The following EPB41L4A variants were observed in gnomAD, a reference collection of about 807,000 sequenced individuals.
The protein encoded by EPB41L4A is band 4.1-like protein 4A.
In EPB41L4A, 100 loss-of-function variants were observed where a neutral mutation model predicts 108.6. That is an observed-to-expected ratio of 0.92 (90% confidence interval 0.78 to 1.09). The LOEUF (loss-of-function observed/expected upper bound fraction) is 1.09. Among genes scored for constraint, EPB41L4A ranks in the 50% least tolerant of loss-of-function variants. The pLI, the probability that EPB41L4A is intolerant of heterozygous loss-of-function variation, is 0.00. For missense variants in EPB41L4A, 1,030 were observed against 842.7 expected, an observed-to-expected ratio of 1.22 and a Z score of -2.75; for synonymous variants, 319 against 289.0, an observed-to-expected ratio of 1.10 and a Z score of -1.05.
intron 2 of EPB41L4A, among the ~76,000 whole-genome samples, chr5:112,293,689 C>G (rs1390177216): frequency 1.3e-5 from 2 of 152,130 alleles, no homozygotes; most frequent in Non-Finnish European, 2.9e-5. Flanking sequence ...CTGCTTTTCC[C>G]GATGCCGCAG....
chr5:112,418,130 T>A (rs188346435), intron 1 of EPB41L4A, among the ~76,000 whole-genome samples: 9 of 152,246 alleles, frequency 5.9e-5, no homozygotes, highest in African/African-American at 2.2e-4. Flanking sequence ...AAGAGAAAGA[T>A]AAACAAAACA....
chr5:112,414,595 G>A (rs968594677), intron 1 of EPB41L4A, among the ~76,000 whole-genome samples: 9 of 152,062 alleles, frequency 5.9e-5, no homozygotes, highest in Admixed American at 2.0e-4. Context: ...CACAGTAACT[G>A]GACTGCAAAA....
chr5:112,393,869 G>T (rs1761136151), intron 1 of EPB41L4A, among the ~76,000 whole-genome samples: 1 of 152,096 alleles, frequency 6.6e-6, no homozygotes, highest in South Asian at 2.1e-4. Flanking sequence ...GAATCCAGCA[G>T]CACATCAAAA....
chr5:112,301,362 C>T (rs752722009), intron 2 of EPB41L4A, among the ~76,000 whole-genome samples: 31 of 152,126 alleles, frequency 2.0e-4, no homozygotes, highest in Admixed American at 1.1e-3. Flanking sequence ...TAGCACTCTC[C>T]CCCTTTTCCT....
chr5:112,262,588 C>A lies in EPB41L4A; in HGVS notation c.555-7G>T. On this transcript the variant is annotated splice_polypyrimidine_tract_variant and splice_region_variant and intron_variant, in intron 6 of 22. Transcript: ENST00000261486. ...CTCAGAAGGAATCTGACCCCTACACCCAGCACAAAAACAAAGAGCCTTATT... is the reference window on the plus strand; with the variant it reads ...CTCAGAAGGAATCTGACCCCTACACACAGCACAAAAACAAAGAGCCTTATT... 1.2e-6 allele frequency: 2 copies of A among 1,612,548 alleles called. No individual in the cohort carries two copies. The highest frequency in any genetic ancestry group is 2.2e-5 in the East Asian group (1 of 44,856).
intron 4 of EPB41L4A, among the ~76,000 whole-genome samples, 186 bp from the exon 5 acceptor site, chr5:112,266,516 C>T (rs1048421901): frequency 2.0e-5 from 3 of 152,182 alleles, no homozygotes; most frequent in African/African-American, 4.8e-5. Context: ...AGGCAATACA[C>T]GGTTGTCGCT....
intron 2 of EPB41L4A, among the ~76,000 whole-genome samples, chr5:112,281,411 C>G (rs925261091): frequency 1.3e-5 from 2 of 152,180 alleles, no homozygotes; most frequent in Non-Finnish European, 2.9e-5. Context: ...AAGAGCAGGG[C>G]AGAAGCCAAG....
chr5:112,387,375 C>G lies in EPB41L4A; in HGVS notation c.99+31566G>C, dbSNP rs532627471. ...GGCACGGTGGCTCACGCCTGAAATCCCAGCACTTTGGGAGGCCGAGGCGGG... is the reference window on the plus strand; with the variant it reads ...GGCACGGTGGCTCACGCCTGAAATCGCAGCACTTTGGGAGGCCGAGGCGGG... On this transcript the variant is annotated intron_variant, in intron 1 of 22. Coordinates refer to ENST00000261486, the MANE Select transcript of EPB41L4A (RefSeq NM_022140.5). Among the ~76,000 whole-genome samples, 581 of 152,276 alleles carry G rather than the reference C, an allele frequency of 3.8e-3. 3 individuals carry two copies. Among genetic ancestry groups the G allele is most frequent in the African/African-American group, 0.013 (556 of 41,548 alleles).
intron 12 of EPB41L4A, chr5:112,146,108 TA>T (rs1759245734): frequency 2.6e-6 from 1 of 378,468 alleles, no homozygotes; most frequent in African/African-American, 2.1e-5. Context: ...GATAGGGTCT[TA>T]CAGAATCGAG....
intron 1 of EPB41L4A, chr5:112,392,797 GCAC>G (rs1561637492): frequency 6.6e-6 from 1 of 152,152 alleles, no homozygotes; most frequent in African/African-American, 2.4e-5. Flanking sequence ...TTTCTTCTCA[GCAC>G]CACATCACAC....
At position 112,314,536 on chromosome 5, in the gene EPB41L4A, A is replaced by AAAG. The variant is rs1158107525; in HGVS notation, c.100-7049_100-7047dup. ...AAAAAAAAAAAAAAAAAAAAAAAAA[A>AAAG]AAGAAAAGAAATTAGCCAAGCATGA... On this transcript the variant is annotated intron_variant, in intron 1 of 22. Coordinates refer to ENST00000261486, the MANE Select transcript of EPB41L4A (RefSeq NM_022140.5). 3.0e-3 allele frequency among the ~76,000 whole-genome samples: 343 copies of AAAG among 113,548 alleles called. 2 individuals are homozygous for AAAG. The highest frequency in any genetic ancestry group is 0.011 in the African/African-American group (329 of 29,566). The allele number at this position is 113,548 out of a possible 152,430, so 74.5% of individuals were successfully genotyped here.
intron 17 of EPB41L4A, among the ~76,000 whole-genome samples, chr5:112,187,591 AG>A (rs1413426201): frequency 1.3e-5 from 2 of 152,224 alleles, no homozygotes; most frequent in African/African-American, 4.8e-5. Context: ...ATAACAATGA[AG>A]AAAATGACTA....
chr5:112,404,712 A>G (rs760987493), intron 1 of EPB41L4A, among the ~76,000 whole-genome samples: 1 of 152,212 alleles, frequency 6.6e-6, no homozygotes, highest in Admixed American at 6.5e-5. Context: ...TTCTCAAAGC[A>G]TAACTCTAGA....
intron 12 of EPB41L4A, among the ~76,000 whole-genome samples, chr5:112,156,986 T>C (rs566728843): frequency 6.6e-6 from 1 of 152,262 alleles, no homozygotes; most frequent in South Asian, 2.1e-4. Flanking sequence ...AAGATCATGG[T>C]GTCTGCGTGG....
chr5:112,174,916 AAATAAATCT>A (rs1213840596), intron 18 of EPB41L4A, among the ~76,000 whole-genome samples: 1 of 152,182 alleles, frequency 6.6e-6, no homozygotes, highest in Non-Finnish European at 1.5e-5. Context: ...TGACGGGTCA[AAATAAATCT>A]AATTAGGAGA....
intron 18 of EPB41L4A, among the ~76,000 whole-genome samples, chr5:112,177,164 T>A (rs543704407): frequency 2.0e-5 from 3 of 152,356 alleles, no homozygotes; most frequent in African/African-American, 7.2e-5. Flanking sequence ...CAGGTCCTAC[T>A]GGACTAAAAT....
At chr5:112,341,365 T>C (rs1361212306) in intron 1 of EPB41L4A, among the ~76,000 whole-genome samples, 1 of 152,246 alleles carries the variant, frequency 6.6e-6, no homozygotes, top group Admixed American at 6.5e-5. Context: ...CTTCAATGAA[T>C]AATTTTCCAA....
intron 2 of EPB41L4A, among the ~76,000 whole-genome samples, chr5:112,300,936 T>C (rs909613793): frequency 6.6e-6 from 1 of 152,174 alleles, no homozygotes; most frequent in Non-Finnish European, 1.5e-5. Flanking sequence ...CGAGTCTTAC[T>C]GCTGAGAATT....
chr5:112,392,484 AAACACAG>A, intron 1 of EPB41L4A, among the ~76,000 whole-genome samples: 1 of 152,122 alleles, frequency 6.6e-6, no homozygotes, highest in South Asian at 2.1e-4. Context: ...AGATCAAAAG[AAACACAG>A]AAGGCCATTA....
Sources: gnomAD v4.1 joint callset for allele counts (sites outside exome capture counted in the v4.1 genomes callset) on GRCh38, gnomAD v4.1.1 for gene constraint, MANE v1.5 for transcripts, NCBI Gene and HGNC (gene_info 2026-07-23, HGNC 2026-07-21) for gene names.